Variants in XKR9 observed in about 807,000 individuals in gnomAD.
The protein encoded by XKR9 is XK related 9, also known as XK-related protein 9.
XKR9 carries 32 observed loss-of-function variants against 32.0 expected under a neutral mutation model. The ratio of observed to expected loss-of-function variants is 1.00; its 90% CI spans 0.76 to 1.34. The LOEUF (loss-of-function observed/expected upper bound fraction) is 1.34. XKR9 is among the 40% of genes most tolerant of loss of function. XKR9 has a pLI of 0.00. For synonymous variants in XKR9, 168 were observed against 143.4 expected (o/e 1.17, Z -1.22); for missense variants, 546 against 429.7 (o/e 1.27, Z -2.39).
intron 4 of XKR9, 30 bp downstream of exon 4, chr8:70,707,183 T>C (rs1805752886): frequency 7.7e-6 from 12 of 1,563,966 alleles, no homozygotes; most frequent in Non-Finnish European, 1.1e-5. Context: ...TTGTGTTAAA[T>C]GGATGCCACT....
Position 70,733,948 on chromosome 8 carries a change from T to C in XKR9, c.646T>C (p.Trp216Arg). Residue 216 changes from tryptophan (W) to arginine (R), a missense_variant, in exon 5 of 5, where the codon TGG becomes CGG. Transcript: ENST00000408926. ...TTACAAGTTGTTTACATTATTATCG[T>C]GGATGCTGAGTGTTGTACTTCTACT... ...LFYKLFTLLSWMLSVVLLLFL... is the reference protein window; with the variant it reads ...LFYKLFTLLSRMLSVVLLLFL... 2 of 1,612,888 alleles carry C rather than the reference T, an allele frequency of 1.2e-6. No individual in the cohort carries two copies. The highest frequency in any genetic ancestry group is 1.7e-6 in the Non-Finnish European group (2 of 1,179,684).
chr8:70,743,727 T>G (rs1807019568), intron 2 of XKR9, among the ~76,000 whole-genome samples: 1 of 152,140 alleles, frequency 6.6e-6, no homozygotes, highest in Non-Finnish European at 1.5e-5. Flanking sequence ...ATTTTCCACC[T>G]CATTTTTCAG....
At chr8:71,006,200 A>G in the XKR9 span, among the ~76,000 whole-genome samples, 1 of 152,278 alleles carries the variant, frequency 6.6e-6, no homozygotes, top group Non-Finnish European at 1.5e-5. Flanking sequence ...TATGAGAGAT[A>G]TTCCAGGAAT....
At chr8:70,681,925 A>G (rs1469790592) in intron 3 of XKR9, among the ~76,000 whole-genome samples, 1 of 152,132 alleles carries the variant, frequency 6.6e-6, no homozygotes, top group Admixed American at 6.6e-5. Flanking sequence ...TGTCCTGTTA[A>G]AAAGCAATTC....
chr8:70,707,269 T>A, intron 4 of XKR9, 116 bp downstream of exon 4: 1 of 741,272 alleles, frequency 1.3e-6, no homozygotes. Flanking sequence ...TTTATTCTTT[T>A]GAAAAGGAAG....
intron 2 of XKR9, among the ~76,000 whole-genome samples, chr8:70,776,456 T>C (rs1016468118): frequency 1.3e-5 from 2 of 152,136 alleles, no homozygotes; most frequent in African/African-American, 4.8e-5. Context: ...TTAAAGCTAA[T>C]CTTTCATGAG....
intron 4 of XKR9, among the ~76,000 whole-genome samples, chr8:70,733,114 A>C (rs1292223083): frequency 6.6e-6 from 1 of 152,222 alleles, no homozygotes; most frequent in East Asian, 1.9e-4. Flanking sequence ...CTCAAAAAGA[A>C]GGAAAGAAAT....
In XKR9 at chr8:70,734,248, G is replaced by C. The variant is rs1806786547; in HGVS notation, c.946G>C (p.Asp316His). The C allele has an allele frequency of 1.9e-6, 3 of 1,612,874 alleles. No individual in the cohort carries two copies. The African/African-American group carries it at 4.0e-5, about 22-fold the overall frequency. ...WVCPLTIFNP[D>H]YFIPISITIV... Reference sequence around the variant, plus strand: ...TTGCCCCCTCACTATTTTTAATCCAGACTATTTTATACCTATCAGTATAAC... The same window carrying C: ...TTGCCCCCTCACTATTTTTAATCCACACTATTTTATACCTATCAGTATAAC... Residue 316 changes from aspartate (D) to histidine (H), a missense_variant, in exon 5 of 5, where the codon GAC (aspartate) becomes CAC (histidine). Transcript: ENST00000408926.
At chr8:70,747,091 G>C (rs1807068940) in intron 2 of XKR9, among the ~76,000 whole-genome samples, 2 of 152,094 alleles carry the variant, frequency 1.3e-5, no homozygotes, top group African/African-American at 4.8e-5. Context: ...ACATGATTTT[G>C]TTCTTATTTA....
the XKR9 span, among the ~76,000 whole-genome samples, chr8:70,862,265 G>A: frequency 5.9e-5 from 9 of 152,084 alleles, no homozygotes; most frequent in African/African-American, 1.7e-4. Context: ...GAATGTGAGA[G>A]GATCAGTCCA....
At chr8:70,695,769 G>A (rs78351569) in intron 3 of XKR9, among the ~76,000 whole-genome samples, 55,350 of 143,920 alleles carry the variant, frequency 0.38, 12,094 homozygotes, top group Non-Finnish European at 0.51. Context: ...TTCCACAATG[G>A]TTGAACTAGT....
chr8:70,958,548 T>G, the XKR9 span, among the ~76,000 whole-genome samples: 1 of 152,200 alleles, frequency 6.6e-6, no homozygotes, highest in East Asian at 1.9e-4. Flanking sequence ...TTTAATGGGG[T>G]TGTTTTTATC....
At chr8:70,830,317 A>C in the XKR9 span, among the ~76,000 whole-genome samples, 3 of 151,872 alleles carry the variant, frequency 2.0e-5, no homozygotes, top group Non-Finnish European at 4.4e-5. Context: ...GCCACAGCTC[A>C]TGTCTGTAAT....
the XKR9 span, among the ~76,000 whole-genome samples, chr8:70,814,408 A>T: frequency 2.4e-4 from 37 of 152,158 alleles, no homozygotes; most frequent in African/African-American, 8.7e-4. Context: ...AAACCTGCAC[A>T]TTGTGCACAT....
At chr8:71,052,566 G>T in the XKR9 span, among the ~76,000 whole-genome samples, 1 of 152,138 alleles carries the variant, frequency 6.6e-6, no homozygotes, top group Non-Finnish European at 1.5e-5. Context: ...TGATTCTGCC[G>T]CCCACTCAGC....
At chr8:71,042,589 AT>A in the XKR9 span, among the ~76,000 whole-genome samples, 1 of 152,076 alleles carries the variant, frequency 6.6e-6, no homozygotes, top group South Asian at 2.1e-4. Flanking sequence ...CTGTGTATTT[AT>A]TTTTTTTCTC....
intron 2 of XKR9, among the ~76,000 whole-genome samples, chr8:70,778,548 A>T (rs1807565707): frequency 6.6e-6 from 1 of 152,140 alleles, no homozygotes; most frequent in African/African-American, 2.4e-5. Flanking sequence ...CAGTATGACC[A>T]TTTTCATGAT....
At chr8:70,796,505 A>AT in the XKR9 span, among the ~76,000 whole-genome samples, 1 of 150,686 alleles carries the variant, frequency 6.6e-6, no homozygotes, top group Non-Finnish European at 1.5e-5. Context: ...TACTTTGTTT[A>AT]TTTTTTCACA....
chr8:71,001,418 C>A, the XKR9 span, among the ~76,000 whole-genome samples: 1 of 152,156 alleles, frequency 6.6e-6, no homozygotes, highest in East Asian at 1.9e-4. Flanking sequence ...CACACCACCA[C>A]ACGTGGTTAA....
Sources: allele counts gnomAD v4.1 joint callset (sites outside exome capture counted in the v4.1 genomes callset), GRCh38; gene constraint gnomAD v4.1.1; transcripts MANE v1.5; gene names NCBI Gene and HGNC (gene_info 2026-07-23, HGNC 2026-07-21).